MKLN1: variants seen among roughly 807,000 people sequenced by gnomAD.
MKLN1 encodes the protein muskelin 1, also known as muskelin.
A neutral mutation model predicts 99.0 loss-of-function variants in MKLN1; 18 were observed. The ratio of observed to expected loss-of-function variants is 0.18; its 90% confidence interval spans 0.13 to 0.27. The LOEUF is 0.27. Among genes scored for constraint, MKLN1 ranks in the 10% least tolerant of loss-of-function variants. The probability of loss-of-function intolerance (pLI) is 1.00; values close to 1 mark genes in which losing one functional copy is unlikely to be tolerated. For synonymous variants in MKLN1, 288 were observed against 293.2 expected (o/e 0.98, Z 0.18); for missense variants, 621 against 875.9 (o/e 0.71, Z 3.67).
At chr7:131,274,514 G>A (rs1290263088) in intron 3 of MKLN1, among the ~76,000 whole-genome samples, 1 of 151,828 alleles carries the variant, frequency 6.6e-6, no homozygotes, top group African/African-American at 2.4e-5. Context: ...GTGGTGTCAT[G>A]TAACTGAGGT....
At chr7:131,368,018 A>T (rs550913079) in intron 1 of MKLN1, among the ~76,000 whole-genome samples, 2 of 152,318 alleles carry the variant, frequency 1.3e-5, no homozygotes, top group East Asian at 3.9e-4. Context: ...GTGATGGTAG[A>T]TTGTATAAGT....
intron 2 of MKLN1, among the ~76,000 whole-genome samples, chr7:131,190,042 A>G (rs901819650): frequency 9.2e-5 from 14 of 152,184 alleles, no homozygotes; most frequent in Non-Finnish European, 2.1e-4. Flanking sequence ...CATAACATAT[A>G]TAAAATACCT....
At chr7:131,197,541 C>T (rs1045468092) in intron 2 of MKLN1, among the ~76,000 whole-genome samples, 1 of 151,674 alleles carries the variant, frequency 6.6e-6, no homozygotes, top group African/African-American at 2.4e-5. Context: ...AACCACTGCA[C>T]CTGGCCAAGA....
chr7:131,368,170 A>G (rs942065761), intron 1 of MKLN1, among the ~76,000 whole-genome samples: 4 of 152,130 alleles, frequency 2.6e-5, no homozygotes, highest in Admixed American at 6.5e-5. Flanking sequence ...CTTGCAGGAG[A>G]GTGGAAATGG....
chr7:131,231,068 G>A lies in MKLN1; in HGVS notation c.-179+28094G>A, dbSNP rs541795923. 1.0e-3 allele frequency among the ~76,000 whole-genome samples: 138 copies of A among 134,500 alleles called. 2 individuals are homozygous for A. The highest frequency in any genetic ancestry group is 3.0e-3 in the African/African-American group (110 of 36,462). 88.2% of individuals were successfully genotyped at this position (134,500 alleles called of 152,430 possible). A position where few individuals can be genotyped will look rare whatever the true frequency, so the allele number is the denominator to read the frequency against. On this transcript the variant is annotated intron_variant, in intron 3 of 7. Coordinates refer to the MKLN1 transcript ENST00000416992. ...CTGGGAGGCCGAGGTTGCAGTGAGC[G>A]GAGATCGTACCACTGCACTCCAGCC... is the stretch of plus-strand genomic sequence containing the variant.
intron 9 of MKLN1, among the ~76,000 whole-genome samples, chr7:131,437,049 GA>G (rs202154918): frequency 0.018 from 2,678 of 152,086 alleles, 68 homozygotes; most frequent in African/African-American, 0.061. Flanking sequence ...TTTAAAAGGA[GA>G]AAACTAGAGA....
At chr7:131,440,118 C>T (rs1042435501) in intron 10 of MKLN1, among the ~76,000 whole-genome samples, 2 of 152,090 alleles carry the variant, frequency 1.3e-5, no homozygotes, top group African/African-American at 4.8e-5. Flanking sequence ...ACAAATTGCA[C>T]CCAGGGCAGC....
chr7:131,249,338 C>A (rs1240634845), intron 3 of MKLN1, among the ~76,000 whole-genome samples: 1 of 152,116 alleles, frequency 6.6e-6, no homozygotes, highest in Non-Finnish European at 1.5e-5. Context: ...GGCCAGCAGT[C>A]CAAGTTGCAA....
chr7:131,438,962 T>C (rs1427720947), intron 10 of MKLN1, among the ~76,000 whole-genome samples: 1 of 152,164 alleles, frequency 6.6e-6, no homozygotes, highest in Non-Finnish European at 1.5e-5. Flanking sequence ...TATTAACATA[T>C]AATTGTTATA....
At chr7:131,401,187 T>C (rs1794533829) in intron 6 of MKLN1, among the ~76,000 whole-genome samples, 1 of 152,240 alleles carries the variant, frequency 6.6e-6, no homozygotes, top group Non-Finnish European at 1.5e-5. Context: ...ATTTTTAGTA[T>C]ATTACTTAGT....
At chr7:131,233,405 TAA>T (rs1554540660) in intron 3 of MKLN1, among the ~76,000 whole-genome samples, 1 of 144,916 alleles carries the variant, frequency 6.9e-6, no homozygotes. Flanking sequence ...AATAAATAAA[TAA>T]AAATAAAGTT....
intron 1 of MKLN1, among the ~76,000 whole-genome samples, chr7:131,345,167 A>G (rs1584629000): frequency 6.6e-6 from 1 of 152,176 alleles, no homozygotes; most frequent in African/African-American, 2.4e-5. Context: ...GTAATTTGGA[A>G]GGTGGTAAAA....
In MKLN1 at chr7:131,489,492, A is replaced by G. The variant is rs1367491211; in HGVS notation, c.*1764A>G. 6.6e-6 allele frequency: 1 copy of G among 152,202 alleles called. No homozygotes were observed. The highest frequency in any genetic ancestry group is 1.5e-5 in the Non-Finnish European group (1 of 68,020). 9.4% of individuals were successfully genotyped at this position (152,202 alleles called of 1,614,324 possible). A position where few individuals can be genotyped will look rare whatever the true frequency, so the allele number is the denominator to read the frequency against. On this transcript the variant is annotated 3_prime_UTR_variant, in exon 18 of 18. Coordinates refer to ENST00000352689, the MANE Select transcript of MKLN1 (RefSeq NM_013255.5). ...TCATAAAACGATTCCCCTGAGTGAC[A>G]CAAGAACATAAAATGTTAATATCAC...
At chr7:131,287,820 A>G (rs1798155515) in intron 3 of MKLN1, among the ~76,000 whole-genome samples, 1 of 152,088 alleles carries the variant, frequency 6.6e-6, no homozygotes, top group African/African-American at 2.4e-5. Context: ...GGTTCCCCCC[A>G]TGCTGTTCTC....
chr7:131,134,267 C>G (rs553155770), intron 1 of MKLN1, among the ~76,000 whole-genome samples: 1 of 152,180 alleles, frequency 6.6e-6, no homozygotes, highest in South Asian at 2.1e-4. Context: ...CCTTGCAGAC[C>G]TCCCTCTGTC....
intron 1 of MKLN1, among the ~76,000 whole-genome samples, chr7:131,352,521 T>C (rs2116768177): frequency 6.6e-6 from 1 of 152,270 alleles, no homozygotes; most frequent in East Asian, 1.9e-4. Context: ...TTTTACACTT[T>C]TTTTTTTAAG....
At chr7:131,452,544 CTTTTTTTTTTTTT>C (rs1159344518) in intron 12 of MKLN1, among the ~76,000 whole-genome samples, 1 of 70,352 alleles carries the variant, frequency 1.4e-5, no homozygotes, top group Non-Finnish European at 2.5e-5. Flanking sequence ...TCCTTTTATA[CTTTTTTTTTTTTT>C]TTTTTTTTTT....
chr7:131,409,658 C>T (rs1191582822), intron 6 of MKLN1, among the ~76,000 whole-genome samples: 2 of 152,058 alleles, frequency 1.3e-5, no homozygotes, highest in South Asian at 2.1e-4. Flanking sequence ...ATATATAAAT[C>T]GCAGAAAACA....
intron 1 of MKLN1, among the ~76,000 whole-genome samples, chr7:131,113,267 T>G (rs563283571): frequency 6.6e-6 from 1 of 152,234 alleles, no homozygotes; most frequent in East Asian, 1.9e-4. Context: ...GGAAAGATAT[T>G]CCAAGCAAAG....
Sources: allele counts gnomAD v4.1 joint callset (sites outside exome capture counted in the v4.1 genomes callset), GRCh38; gene constraint gnomAD v4.1.1; transcripts MANE v1.5; gene names NCBI Gene and HGNC (gene_info 2026-07-23, HGNC 2026-07-21).